The following ELP4 variants were observed in gnomAD, a reference collection of about 807,000 sequenced individuals.
ELP4 encodes the protein elongator acetyltransferase complex subunit 4, also known as elongator complex protein 4.
ELP4 carries 51 observed loss-of-function variants against 48.9 expected under a neutral mutation model. The ratio of observed to expected loss-of-function variants is 1.04; its 90% confidence interval spans 0.83 to 1.32. The LOEUF is 1.32. Ranked by LOEUF, ELP4 falls within the 40% of genes most tolerant of loss-of-function variation. ELP4 has a pLI of 0.00. For missense variants in ELP4, 519 were observed against 514.6 expected (o/e 1.01, Z -0.08); for synonymous variants, 210 against 189.2 (o/e 1.11, Z -0.90).
chr11:31,639,203 T>A (rs986318092), intron 7 of ELP4, among the ~76,000 whole-genome samples: 18 of 151,882 alleles, frequency 1.2e-4, no homozygotes, highest in African/African-American at 4.1e-4. Context: ...CTGCCTTTAA[T>A]GTTTTCAGAT....
chr11:31,547,148 G>A (rs374145080), intron 3 of ELP4, among the ~76,000 whole-genome samples: 5 of 152,078 alleles, frequency 3.3e-5, no homozygotes, highest in Admixed American at 6.6e-5. Context: ...AGCAGAACTG[G>A]AGGAAATAGA....
intron 2 of ELP4, among the ~76,000 whole-genome samples, chr11:31,526,313 G>A (rs1313774330): frequency 1.3e-5 from 2 of 151,768 alleles, no homozygotes; most frequent in Admixed American, 6.6e-5. Context: ...CTTCTATATC[G>A]TCTCATTGCT....
At chr11:31,746,412 C>G (rs1947592427) in intron 9 of ELP4, among the ~76,000 whole-genome samples, 2 of 152,164 alleles carry the variant, frequency 1.3e-5, no homozygotes, top group Non-Finnish European at 2.9e-5. Flanking sequence ...GATTATAAAT[C>G]ATGCTGCTAT....
chr11:31,774,071 C>T (rs547034444), intron 9 of ELP4, among the ~76,000 whole-genome samples: 1 of 152,174 alleles, frequency 6.6e-6, no homozygotes, highest in African/African-American at 2.4e-5. Context: ...CCCAGCTACT[C>T]GGAGGCTTTG....
chr11:31,525,628 A>T (rs1007985334), intron 2 of ELP4, among the ~76,000 whole-genome samples: 2 of 152,148 alleles, frequency 1.3e-5, no homozygotes, highest in African/African-American at 4.8e-5. Flanking sequence ...GACTAGTGAG[A>T]AGGTAAGTTT....
intron 3 of ELP4, among the ~76,000 whole-genome samples, chr11:31,552,812 A>G (rs1956873899): frequency 6.6e-6 from 1 of 152,072 alleles, no homozygotes; most frequent in Non-Finnish European, 1.5e-5. Context: ...AAGGACTTTA[A>G]AGGCCCTAGC....
intron 9 of ELP4, among the ~76,000 whole-genome samples, chr11:31,679,228 C>CAT (rs1946004415): frequency 6.6e-6 from 1 of 152,152 alleles, no homozygotes; most frequent in Non-Finnish European, 1.5e-5. Context: ...TCATGTACCA[C>CAT]ATATACCATA....
At chr11:31,624,519 TA>T (rs955658816) in intron 5 of ELP4, among the ~76,000 whole-genome samples, 11 of 151,350 alleles carry the variant, frequency 7.3e-5, no homozygotes, top group African/African-American at 2.7e-4. Flanking sequence ...GGTGAGTCAG[TA>T]AAGGGGTGGT....
At chr11:31,601,401 A>G (rs1042150087) in intron 4 of ELP4, among the ~76,000 whole-genome samples, 1 of 152,114 alleles carries the variant, frequency 6.6e-6, no homozygotes, top group African/African-American at 2.4e-5. Context: ...TGAATATTTT[A>G]GCTACCATAT....
chr11:31,661,347 A>AT, intron 9 of ELP4, among the ~76,000 whole-genome samples: 1 of 152,218 alleles, frequency 6.6e-6, no homozygotes, highest in East Asian at 1.9e-4. Context: ...TGAAGTAAGT[A>AT]TCCAAGAAGA....
intron 9 of ELP4, chr11:31,715,017 C>A: frequency 2.6e-6 from 1 of 388,026 alleles, no homozygotes; most frequent in Non-Finnish European, 4.5e-6. Flanking sequence ...TGTTATTCTG[C>A]CTACCACACA....
intron 9 of ELP4, chr11:31,654,471 C>G (rs957262436): frequency 6.6e-6 from 1 of 151,596 alleles, no homozygotes; most frequent in South Asian, 2.1e-4. Flanking sequence ...ATTGACCAAC[C>G]AGTTTTTATT....
intron 9 of ELP4, among the ~76,000 whole-genome samples, chr11:31,704,399 A>C (rs973098335): frequency 6.6e-6 from 1 of 152,048 alleles, no homozygotes; most frequent in South Asian, 2.1e-4. Flanking sequence ...AAAAAACCAT[A>C]CACCGCATGT....
At chr11:31,520,139 TG>T (rs1218607046) in intron 2 of ELP4, 48 bp downstream of exon 2, 1 of 1,504,364 alleles carries the variant, frequency 6.6e-7, no homozygotes, top group Admixed American at 2.0e-5. Flanking sequence ...TGTTTTCTGT[TG>T]TGCATAATCA....
chr11:31,614,216 A>G (rs758078921), intron 5 of ELP4, among the ~76,000 whole-genome samples: 26 of 152,334 alleles, frequency 1.7e-4, no homozygotes, highest in Middle Eastern at 3.4e-3. Flanking sequence ...GTTGAGAAAT[A>G]GCAATGAGTA....
chr11:31,575,770 T>TA (rs1957264938), intron 3 of ELP4, among the ~76,000 whole-genome samples: 1 of 152,164 alleles, frequency 6.6e-6, no homozygotes, highest in Non-Finnish European at 1.5e-5. Context: ...AGGCTTGCCT[T>TA]ACAGGAGCTC....
intron 2 of ELP4, among the ~76,000 whole-genome samples, chr11:31,539,058 A>G (rs1029839952): frequency 4.6e-5 from 7 of 152,178 alleles, no homozygotes; most frequent in Non-Finnish European, 1.0e-4. Flanking sequence ...TAAATTTACT[A>G]GTGAAGTTCC....
intron 3 of ELP4, among the ~76,000 whole-genome samples, chr11:31,593,485 C>G (rs1295329983): frequency 6.6e-6 from 1 of 151,926 alleles, no homozygotes; most frequent in Non-Finnish European, 1.5e-5. Flanking sequence ...CTCAAGTGAT[C>G]CCCCCCTACC....
intron 3 of ELP4, 71 bp downstream of exon 3, chr11:31,539,854 AAG>A: frequency 7.5e-7 from 1 of 1,329,358 alleles, no homozygotes; most frequent in Non-Finnish European, 1.0e-6. Flanking sequence ...ATATGTAAAC[AAG>A]ATATATGTTT....
Sources: gnomAD v4.1 joint callset for allele counts (sites outside exome capture counted in the v4.1 genomes callset) on GRCh38, gnomAD v4.1.1 for gene constraint, MANE v1.5 for transcripts, NCBI Gene and HGNC (gene_info 2026-07-23, HGNC 2026-07-21) for gene names.